Variants in SOAT2 observed in about 807,000 individuals in gnomAD.
SOAT2 encodes the protein ACAT-2.
SOAT2 carries 87 observed loss-of-function variants against 76.0 expected under a neutral mutation model. That is an observed-to-expected ratio of 1.14 (90% CI 0.96 to 1.37). SOAT2 has a LOEUF of 1.37. Ranked by LOEUF, SOAT2 falls within the 40% of genes most tolerant of loss-of-function variation. The pLI, the probability that SOAT2 is intolerant of heterozygous loss-of-function variation, is 0.00. For synonymous variants in SOAT2, 285 were observed against 275.4 expected (o/e 1.03, Z -0.34); for missense variants, 686 against 682.1 (o/e 1.01, Z -0.06).
At chr12:53,121,997 G>A (rs577745316) in intron 12 of SOAT2, among the ~76,000 whole-genome samples, 27 of 151,364 alleles carry the variant, frequency 1.8e-4, no homozygotes, top group South Asian at 8.4e-4. Flanking sequence ...TAGTAGAGAC[G>A]AGGTTTCACC....
chr12:53,105,048 T>C, intron 2 of SOAT2, 59 bp from the exon 3 acceptor site: 1 of 1,488,286 alleles, frequency 6.7e-7, no homozygotes, highest in Non-Finnish European at 9.0e-7. Context: ...GAATGTCTGG[T>C]GAATGAAAGG....
At chr12:53,111,083 CTAAT>C (rs1352102227) in intron 5 of SOAT2, among the ~76,000 whole-genome samples, 1 of 150,780 alleles carries the variant, frequency 6.6e-6, no homozygotes, top group Non-Finnish European at 1.5e-5. Context: ...TTACATTTAT[CTAAT>C]TATTTATTTT....
rs760333562 is a variant in SOAT2 at position 53,119,141 on chromosome 12, C to T, written c.927C>T (p.Leu309=). 10 of 1,613,982 alleles carry T rather than the reference C, an allele frequency of 6.2e-6. No individual in the cohort carries two copies. Among genetic ancestry groups the T allele is most frequent in the Admixed American group, 1.7e-5 (1 of 60,008 alleles). Residue 309 remains leucine, a synonymous_variant, in exon 10 of 15, where the codon CTC becomes CTT. Coordinates refer to ENST00000301466, the MANE Select transcript of SOAT2 (RefSeq NM_003578.4). ...KNFAQALGCV[L]YACFILGRLC... ...CCCTCCAGGCCCTGGGATGTGTGCT[C>T]TATGCCTGCTTCATCCTGGGCCGCC... is the stretch of plus-strand genomic sequence containing the variant.
chr12:53,105,391 T>C, intron 3 of SOAT2, 148 bp downstream of exon 3: 2 of 1,229,938 alleles, frequency 1.6e-6, no homozygotes, highest in South Asian at 1.5e-5. Context: ...GACCTCCATC[T>C]ACTGGGCCTC....
intron 12 of SOAT2, 54 bp downstream of exon 12, chr12:53,121,455 C>G: frequency 1.5e-6 from 2 of 1,339,864 alleles, no homozygotes; most frequent in Non-Finnish European, 2.1e-6. Context: ...GCTCTCCTTC[C>G]TTCCCTCTCC....
chr12:53,122,910 C>T (rs544101029), intron 12 of SOAT2, among the ~76,000 whole-genome samples, 171 bp from the exon 13 acceptor site: 137 of 152,058 alleles, frequency 9.0e-4, no homozygotes, highest in African/African-American at 2.9e-3. Flanking sequence ...TAGGGGCGGC[C>T]GGGCAGAGGC....
chr12:53,103,737 T>G, intron 1 of SOAT2, 78 bp downstream of exon 1: 3 of 1,144,060 alleles, frequency 2.6e-6, no homozygotes, highest in Non-Finnish European at 3.6e-6. Context: ...GAGAGAAGGC[T>G]CCAACTGCCT....
rs1208485292 is a variant in SOAT2, at chr12:53,124,142, C to A, written c.*19C>A. ...TACCTAGAGGTCGGGACAGACGACG[C>A]TACCTGCCCAGACACCACCAAGTTC... is the stretch of plus-strand genomic sequence containing the variant. On this transcript the variant is annotated 3_prime_UTR_variant, in exon 15 of 15. Coordinates refer to ENST00000301466, the MANE Select transcript of SOAT2 (RefSeq NM_003578.4). 1 of 1,613,836 alleles carries A rather than the reference C, an allele frequency of 6.2e-7. No individual in the cohort carries two copies. Among genetic ancestry groups the A allele is most frequent in the African/African-American group, 1.3e-5 (1 of 74,924 alleles).
intron 13 of SOAT2, among the ~76,000 whole-genome samples, 200 bp downstream of exon 13, chr12:53,123,416 G>T (rs1392490944): frequency 1.3e-5 from 2 of 152,178 alleles, no homozygotes; most frequent in South Asian, 4.1e-4. Context: ...GCTGTATCCT[G>T]GGGCATGTGG....
Position 53,118,414 on chromosome 12 carries a change from C to G in SOAT2, c.843C>G (p.Ile281Met). The change falls in exon 8 of 15, where the codon ATC (isoleucine) becomes ATG (methionine). Residue 281 changes from isoleucine (I) to methionine (M), a missense_variant. By Grantham distance (10) the Ile-to-Met change is conservative (BLOSUM62 1). Coordinates refer to ENST00000301466, the MANE Select transcript of SOAT2 (RefSeq NM_003578.4). Reference sequence around the variant, plus strand: ...ACTTCCTCTTCTGCCCAACACTCATCTACAGGGAGACTTACCCTAGGTAAG... The same window carrying G: ...ACTTCCTCTTCTGCCCAACACTCATGTACAGGGAGACTTACCCTAGGTAAG... ...YLYFLFCPTLIYRETYPRTPY... is the reference protein window; with the variant it reads ...YLYFLFCPTLMYRETYPRTPY... 1 of 1,613,488 alleles carries G rather than the reference C, an allele frequency of 6.2e-7. No individual in the cohort carries two copies. The highest frequency in any genetic ancestry group is 8.5e-7 in the Non-Finnish European group (1 of 1,179,562).
intron 5 of SOAT2, among the ~76,000 whole-genome samples, chr12:53,112,869 C>T (rs1404273571): frequency 1.3e-5 from 2 of 150,510 alleles, no homozygotes; most frequent in African/African-American, 4.9e-5. Flanking sequence ...CAACCTCTGC[C>T]TCCTGGGTTC....
intron 13 of SOAT2, 24 bp downstream of exon 13, chr12:53,123,240 G>T: frequency 3.1e-6 from 5 of 1,613,174 alleles, no homozygotes; most frequent in Non-Finnish European, 4.2e-6. Context: ...TGTGCCACTG[G>T]AAGGGAGCCA....
rs141004772 is a variant in SOAT2, at chr12:53,123,770, C to T, written c.1415C>T (p.Ala472Val). Residue 472 changes from alanine to valine, a missense_variant, in exon 14 of 15, where the codon GCA becomes GTA. Transcript: ENST00000301466. Reference protein sequence around the residue: ...FMMHDQRTGPAWNVLMWTMLF... With the variant: ...FMMHDQRTGPVWNVLMWTMLF... ...ATGCATGACCAGCGCACCGGCCCGG[C>T]ATGGAACGTGCTGATGTGGACCATG... is the stretch of plus-strand genomic sequence containing the variant. 5 of 1,614,068 alleles carry T rather than the reference C, an allele frequency of 3.1e-6. No individual in the cohort carries two copies. The African/African-American group carries it at 4.0e-5, about 13-fold the overall frequency.
chr12:53,104,161 G>A lies in SOAT2; in HGVS notation c.93G>A (p.Glu31=), dbSNP rs1235871595. ...ERQPCGDGNT[E]THRAPDLVQW... Reference sequence around the variant, plus strand: ...GATCCCTCCTCACAGGAAACACTGAGACGCACAGAGCCCCGGACTTGGTAC... The same window carrying A: ...GATCCCTCCTCACAGGAAACACTGAAACGCACAGAGCCCCGGACTTGGTAC... Residue 31 remains glutamate, a synonymous_variant, in exon 2 of 15, where the codon GAG becomes GAA. Transcript: ENST00000301466. 1.9e-6 allele frequency: 3 copies of A among 1,613,474 alleles called. No individual in the cohort carries two copies. Among genetic ancestry groups the A allele is most frequent in the East Asian group, 2.2e-5 (1 of 44,886 alleles).
chr12:53,105,253 G>T lies in SOAT2; in HGVS notation c.275+10G>T. 1 of 1,600,148 alleles carries T rather than the reference G, an allele frequency of 6.2e-7. No homozygotes were observed. The highest frequency in any genetic ancestry group is 8.5e-7 in the Non-Finnish European group (1 of 1,173,920). On this transcript the variant is annotated intron_variant, in intron 3 of 14. Coordinates refer to ENST00000301466, the MANE Select transcript of SOAT2 (RefSeq NM_003578.4). ...CAGGTTCCTTGAGCAGGTGAGTCTG[G>T]GGAATGGCTGCGCGGGCTCCTCTGT...
rs141707834 is a variant in SOAT2 at position 53,116,133 on chromosome 12, G to A, written c.745G>A (p.Glu249Lys). Residue 249 changes from glutamate to lysine, a missense_variant, in exon 7 of 15, where the codon GAG (glutamate) becomes AAG (lysine). Transcript: ENST00000301466. Reference sequence around the variant, plus strand: ...GATGAAAAGCTACTCCTTCCTGAGAGAGGCTGTGCCTGGGACCCTTCGTGC... The same window carrying A: ...GATGAAAAGCTACTCCTTCCTGAGAAAGGCTGTGCCTGGGACCCTTCGTGC... ...FLMKSYSFLR[E>K]AVPGTLRARR... The A allele has an allele frequency of 1.2e-4, 199 of 1,614,078 alleles. No homozygotes were observed. Among genetic ancestry groups the A allele is most frequent in the Non-Finnish European group, 1.6e-4 (192 of 1,180,028 alleles).
chr12:53,115,626 C>T lies in SOAT2; in HGVS notation c.680C>T (p.Ala227Val), dbSNP rs761009310. Reference protein sequence around the residue: ...HVAVEHQLPPASRCVLVFEQV... With the variant: ...HVAVEHQLPPVSRCVLVFEQV... ...GCCGTGGAGCATCAGCTCCCGCCGG[C>T]CTCCCGTTGTGTCCTGGTCTTCGAG... The change falls in exon 6 of 15, where the codon GCC (alanine) becomes GTC (valine). Residue 227 changes from alanine (A) to valine (V), a missense_variant. Physicochemically the swap from Ala to Val is moderately conservative, Grantham distance 64 (BLOSUM62 0). Transcript: ENST00000301466. 3 of 1,556,212 alleles carry T rather than the reference C, an allele frequency of 1.9e-6. No individual in the cohort carries two copies. The highest frequency in any genetic ancestry group is 2.6e-6 in the Non-Finnish European group (3 of 1,158,254).
chr12:53,105,774 G>C, intron 4 of SOAT2, 133 bp from the exon 5 acceptor site: 1 of 947,084 alleles, frequency 1.1e-6, no homozygotes, highest in Non-Finnish European at 1.5e-6. Context: ...CCCTAGGCAT[G>C]GTTGTGGAAG....
At chr12:53,108,544 T>A (rs1045803858) in intron 5 of SOAT2, among the ~76,000 whole-genome samples, 2 of 152,238 alleles carry the variant, frequency 1.3e-5, no homozygotes, top group African/African-American at 4.8e-5. Flanking sequence ...TTTACTTAAT[T>A]GTTAAAAGCT....
Sources: gnomAD v4.1 joint callset for allele counts (sites outside exome capture counted in the v4.1 genomes callset) on GRCh38, gnomAD v4.1.1 for gene constraint, MANE v1.5 for transcripts, NCBI Gene and HGNC (gene_info 2026-07-23, HGNC 2026-07-21) for gene names.